Variants in LRP1B observed in about 807,000 individuals in gnomAD.
The protein encoded by LRP1B is LDL receptor related protein 1B.
In LRP1B, 217 loss-of-function variants were observed where a neutral mutation model predicts 556.6. The observed-to-expected ratio is 0.39, with a 90% CI of 0.35 to 0.44. The LOEUF (loss-of-function observed/expected upper bound fraction) is 0.44. Ranked by LOEUF, LRP1B falls within the 20% of genes least tolerant of loss-of-function variation. The pLI is 1.00. For missense variants in LRP1B, 5,053 were observed against 5,620.8 expected, an observed-to-expected ratio of 0.90 and a Z score of 3.23; for synonymous variants, 2,047 against 1,865.8, an observed-to-expected ratio of 1.10 and a Z score of -2.50.
intron 7 of LRP1B, among the ~76,000 whole-genome samples, chr2:141,159,892 A>T (rs1679924460): frequency 6.6e-6 from 1 of 152,172 alleles, no homozygotes; most frequent in African/African-American, 2.4e-5. Context: ...TAACACAGGA[A>T]CAGAAAACCA....
intron 35 of LRP1B, among the ~76,000 whole-genome samples, chr2:140,726,491 C>T (rs1350653153): frequency 6.6e-6 from 1 of 152,148 alleles, no homozygotes; most frequent in African/African-American, 2.4e-5. Flanking sequence ...TCCCGATAAG[C>T]TGGCTACATT....
At chr2:142,078,790 T>G (rs543757534) in intron 1 of LRP1B, among the ~76,000 whole-genome samples, 1 of 152,226 alleles carries the variant, frequency 6.6e-6, no homozygotes, top group South Asian at 2.1e-4. Flanking sequence ...AATGTAATAA[T>G]AGGGTTTTTT....
chr2:140,630,101 C>T (rs535269772), intron 41 of LRP1B, among the ~76,000 whole-genome samples: 2 of 152,250 alleles, frequency 1.3e-5, no homozygotes, highest in South Asian at 2.1e-4. Flanking sequence ...TGGTTGATGG[C>T]CCTGCAGTAT....
intron 6 of LRP1B, among the ~76,000 whole-genome samples, chr2:141,217,177 G>T (rs1682849265): frequency 6.6e-6 from 1 of 152,102 alleles, no homozygotes. Flanking sequence ...GGTCATGGGG[G>T]TAGATCTCTC....
chr2:141,600,864 G>A (rs1039111794), intron 2 of LRP1B, among the ~76,000 whole-genome samples: 6 of 152,212 alleles, frequency 3.9e-5, no homozygotes, highest in South Asian at 2.1e-4. Context: ...GCTGTCACAA[G>A]GAAGTGGTTT....
At chr2:141,684,550 C>T (rs959255861) in intron 2 of LRP1B, among the ~76,000 whole-genome samples, 5 of 151,506 alleles carry the variant, frequency 3.3e-5, no homozygotes, top group African/African-American at 1.2e-4. Context: ...ATGTGTATAC[C>T]TATGTAACAA....
intron 3 of LRP1B, among the ~76,000 whole-genome samples, chr2:141,342,741 A>C (rs2683844): frequency 0.45 from 67,661 of 151,902 alleles, 16,805 homozygotes; most frequent in Non-Finnish European, 0.57. Context: ...CCAAACCTAC[A>C]TTGGAATGGT....
intron 1 of LRP1B, among the ~76,000 whole-genome samples, chr2:141,821,978 C>T (rs1416137790): frequency 1.3e-5 from 2 of 151,716 alleles, no homozygotes; most frequent in Non-Finnish European, 2.9e-5. Context: ...GGATTTTGTT[C>T]CTTAATCATT....
rs183371005 is a variant in LRP1B at position 142,092,388 on chromosome 2, T to C, written c.82+38260A>G. On this transcript the variant is annotated intron_variant, in intron 1 of 90. Transcript: ENST00000389484. ...TCATTTGTATTATGTACAGTGGTTA[T>C]TTGTTGATGTGACTACTTCATGATA... Among the ~76,000 whole-genome samples, 3 of 152,312 alleles carry C rather than the reference T, an allele frequency of 2.0e-5. No individual in the cohort carries two copies. In the East Asian group the frequency reaches 5.8e-4, roughly 29 times the overall value.
At chr2:141,927,944 A>C (rs80187108) in intron 1 of LRP1B, among the ~76,000 whole-genome samples, 3 of 151,438 alleles carry the variant, frequency 2.0e-5, no homozygotes, top group South Asian at 4.2e-4. Context: ...AAAAAAAAAA[A>C]CAAAACACTG....
chr2:140,428,437 C>T (rs1020400265), intron 66 of LRP1B, among the ~76,000 whole-genome samples: 1 of 152,170 alleles, frequency 6.6e-6, no homozygotes, highest in Non-Finnish European at 1.5e-5. Flanking sequence ...ATCTGGCCAC[C>T]AGGCCAAGGA....
In LRP1B at chr2:140,491,757, T is replaced by A. The variant is rs572764694; in HGVS notation, c.9120+851A>T. Among the ~76,000 whole-genome samples the A allele has an allele frequency of 1.1e-4, 16 of 152,270 alleles. No homozygotes were observed. In the South Asian group the frequency reaches 3.3e-3, roughly 32 times the overall value. The stretch of plus-strand genomic sequence containing the variant: ...TTTGATTAAATTTTTGTTAGTTTTT[T>A]ATAAACAACATAACAATATTTTATA... On this transcript the variant is annotated intron_variant, in intron 57 of 90. Coordinates refer to ENST00000389484, the MANE Select transcript of LRP1B (RefSeq NM_018557.3).
chr2:141,567,956 G>A (rs1280587629), intron 2 of LRP1B, among the ~76,000 whole-genome samples: 1 of 150,026 alleles, frequency 6.7e-6, no homozygotes, highest in African/African-American at 2.4e-5. Flanking sequence ...GTCCAAATTT[G>A]TGCCTGATAT....
intron 72 of LRP1B, among the ~76,000 whole-genome samples, chr2:140,360,011 T>G (rs191941705): frequency 6.6e-6 from 1 of 151,728 alleles, no homozygotes; most frequent in African/African-American, 2.4e-5. Flanking sequence ...ACAATCAAAA[T>G]AGTTTAGCTG....
At position 140,748,290 on chromosome 2, in the gene LRP1B, GTA is replaced by G. The variant is rs372415441; in HGVS notation, c.5758+20921_5758+20922del. 1.3e-4 allele frequency among the ~76,000 whole-genome samples: 15 copies of G among 118,548 alleles called. No homozygotes were observed. The South Asian group carries it at 3.4e-3, about 27-fold the overall frequency. 77.8% of individuals were successfully genotyped at this position (118,548 alleles called of 152,430 possible). On this transcript the variant is annotated intron_variant, in intron 35 of 90. Transcript: ENST00000389484. ...TCATATTTAATATATGTTCATATAT[GTA>G]TATATATTCATATATTATATTCATA...
chr2:140,623,956 G>GTATATATATATATATATATATATA (rs3060390), intron 41 of LRP1B, among the ~76,000 whole-genome samples: 4,082 of 105,814 alleles, frequency 0.039, 355 homozygotes, highest in South Asian at 0.064. Context: ...TTTTATTTAT[G>GTATATATATATATATATATATATA]TATATATATA....
At chr2:140,692,239 T>A (rs1686270907) in intron 41 of LRP1B, among the ~76,000 whole-genome samples, 3 of 152,178 alleles carry the variant, frequency 2.0e-5, no homozygotes, top group African/African-American at 7.2e-5. Context: ...CAATATCACA[T>A]CAACCATATC....
At chr2:141,378,101 A>G (rs1021493368) in intron 3 of LRP1B, among the ~76,000 whole-genome samples, 2 of 152,212 alleles carry the variant, frequency 1.3e-5, no homozygotes, top group Non-Finnish European at 2.9e-5. Context: ...ACAAACAGCT[A>G]CAAGCCATAG....
chr2:141,038,476 G>A (rs139240666), intron 11 of LRP1B, among the ~76,000 whole-genome samples: 529 of 152,172 alleles, frequency 3.5e-3, no homozygotes, highest in African/African-American at 0.012. Flanking sequence ...AAAGGTCAGT[G>A]GGAGGTAAAA....
Sources: gnomAD v4.1 joint callset for allele counts (sites outside exome capture counted in the v4.1 genomes callset) on GRCh38, gnomAD v4.1.1 for gene constraint, MANE v1.5 for transcripts, NCBI Gene and HGNC (gene_info 2026-07-23, HGNC 2026-07-21) for gene names.